Variants in MYO18B observed in about 807,000 individuals in gnomAD.
MYO18B encodes the protein unconventional myosin-XVIIIb.
In MYO18B, 204 loss-of-function variants were observed where a neutral mutation model predicts 273.0. The observed-to-expected ratio is 0.75, with a 90% CI of 0.67 to 0.84. The LOEUF (loss-of-function observed/expected upper bound fraction) is 0.84. Among genes scored for constraint, MYO18B ranks in the 40% least tolerant of loss-of-function variants. The pLI is 0.00. For synonymous variants in MYO18B, 1,330 were observed against 1,305.7 expected (o/e 1.02, Z -0.40); for missense variants, 3,212 against 3,287.6 (o/e 0.98, Z 0.56).
At chr22:26,015,007 TC>T (rs1471666956) in intron 42 of MYO18B, among the ~76,000 whole-genome samples, 1 of 152,192 alleles carries the variant, frequency 6.6e-6, no homozygotes, top group Non-Finnish European at 1.5e-5. Context: ...CTGTAGGTTG[TC>T]TCTTCACCCT....
In MYO18B at chr22:25,768,785, C is replaced by G; in HGVS notation, c.869C>G (p.Thr290Arg). ...GKAEKEGAEPTNTVEKGNVSK... is the reference protein window; with the variant it reads ...GKAEKEGAEPRNTVEKGNVSK... ...GCAGAGAAGGAGGGAGCAGAGCCCA[C>G]AAACACGGTGGAAAAGGGGAATGTC... Residue 290 changes from threonine (T) to arginine (R), a missense_variant, in exon 4 of 44, where the codon ACA (threonine) becomes AGA (arginine). Thr to Arg is a moderately conservative substitution (Grantham distance 71, BLOSUM62 -1). Transcript: ENST00000335473. 1.9e-6 allele frequency: 3 copies of G among 1,609,364 alleles called. No individual in the cohort carries two copies. Among genetic ancestry groups the G allele is most frequent in the Non-Finnish European group, 2.5e-6 (3 of 1,177,738 alleles).
chr22:25,956,088 G>T (rs115896906), intron 39 of MYO18B, among the ~76,000 whole-genome samples: 3 of 152,108 alleles, frequency 2.0e-5, no homozygotes. Flanking sequence ...TTGAGGCTCC[G>T]AATGGTCCAT....
chr22:25,950,099 T>A (rs536621473), intron 36 of MYO18B, among the ~76,000 whole-genome samples: 47 of 152,310 alleles, frequency 3.1e-4, no homozygotes, highest in African/African-American at 1.1e-3. Context: ...AGCCCACTTC[T>A]GTCTGGGTTC....
intron 31 of MYO18B, 53 bp downstream of exon 31, chr22:25,903,884 G>C: frequency 6.5e-7 from 1 of 1,535,184 alleles, no homozygotes; most frequent in Non-Finnish European, 8.8e-7. Context: ...CCAATGCAGA[G>C]TGATGTTATT....
At chr22:26,039,591 C>T in the MYO18B span, among the ~76,000 whole-genome samples, 1 of 151,466 alleles carries the variant, frequency 6.6e-6, no homozygotes, top group African/African-American at 2.4e-5. Flanking sequence ...CTGTGCCTCC[C>T]TCTGTTTTTA....
Position 25,931,674 on chromosome 22 carries a change from CTTTTTTCTTTTTTTTTT to C in MYO18B, c.5517+10272_5517+10288del, listed in dbSNP as rs375154534. ...AGTATTATGCCTTTTCTTTTTTTTT[CTTTTTTCTTTTTTTTTT>C]TTTTTTTTTGAGACAGGGTCTTGCT... On this transcript the variant is annotated intron_variant, in intron 34 of 43. Transcript: ENST00000335473. Among the ~76,000 whole-genome samples, 1,070 of 142,764 alleles carry C rather than the reference CTTTTTTCTTTTTTTTTT, an allele frequency of 7.5e-3. 20 individuals are homozygous for C. Among genetic ancestry groups the C allele is most frequent in the African/African-American group, 0.026 (1,007 of 38,916 alleles). The allele number at this position is 142,764 out of a possible 152,430, so 93.7% of individuals were successfully genotyped here.
intron 42 of MYO18B, chr22:26,006,679 G>C (rs1290556773): frequency 6.5e-6 from 1 of 153,572 alleles, no homozygotes; most frequent in African/African-American, 2.4e-5. Context: ...TTGCATATCT[G>C]CAGCTGTGAG....
intron 25 of MYO18B, among the ~76,000 whole-genome samples, chr22:25,879,461 AG>A (rs1185002166): frequency 6.6e-6 from 1 of 152,212 alleles, no homozygotes; most frequent in Non-Finnish European, 1.5e-5. Flanking sequence ...AATTCAGAGT[AG>A]GGGTTACCTG....
chr22:25,934,854 T>C (rs113007877), intron 34 of MYO18B, among the ~76,000 whole-genome samples: 1,659 of 152,254 alleles, frequency 0.011, 34 homozygotes, highest in African/African-American at 0.039. Context: ...GAATTTTCTG[T>C]CTAGCTTAGT....
chr22:25,949,618 A>G (rs1296602291), intron 36 of MYO18B, among the ~76,000 whole-genome samples: 1 of 152,218 alleles, frequency 6.6e-6, no homozygotes, highest in Non-Finnish European at 1.5e-5. Context: ...AATAATAACA[A>G]AATAATTGAT....
At chr22:25,755,293 G>T (rs1202404219) in intron 1 of MYO18B, among the ~76,000 whole-genome samples, 1 of 151,880 alleles carries the variant, frequency 6.6e-6, no homozygotes, top group Non-Finnish European at 1.5e-5. Context: ...CGCAACCTCC[G>T]CCTCCCAGGT....
At chr22:26,032,548 T>C (rs1232000550), downstream of MYO18B, among the ~76,000 whole-genome samples, 1 of 135,572 alleles carries the variant, frequency 7.4e-6, no homozygotes, top group Non-Finnish European at 1.5e-5. Context: ...GAGATGGGAG[T>C]TTCACTCTTG....
intron 18 of MYO18B, among the ~76,000 whole-genome samples, chr22:25,845,881 G>C (rs534586319): frequency 1.3e-5 from 2 of 152,238 alleles, no homozygotes; most frequent in African/African-American, 2.4e-5. Flanking sequence ...GGTAGAAGAC[G>C]GGCATCAGGA....
intron 25 of MYO18B, among the ~76,000 whole-genome samples, chr22:25,881,997 A>G (rs2091350008): frequency 1.3e-5 from 2 of 151,992 alleles, no homozygotes; most frequent in Admixed American, 1.3e-4. Context: ...CATCCTCTTC[A>G]CCTGGTTAAT....
At chr22:25,811,082 C>T (rs1037081666) in intron 12 of MYO18B, among the ~76,000 whole-genome samples, 4 of 150,256 alleles carry the variant, frequency 2.7e-5, no homozygotes, top group Admixed American at 1.3e-4. Flanking sequence ...GGTGTGATCT[C>T]GGCTCACTGC....
At chr22:25,965,081 T>C (rs2092962629) in intron 39 of MYO18B, 1 of 152,248 alleles carries the variant, frequency 6.6e-6, no homozygotes, top group Non-Finnish European at 1.5e-5. Context: ...GGGTGTGATC[T>C]CCTCACTGAG....
rs935637495 is a variant in MYO18B at position 26,030,908 on chromosome 22, G to C, written c.*478G>C. On this transcript the variant is annotated 3_prime_UTR_variant, in exon 44 of 44. Coordinates refer to ENST00000335473, the MANE Select transcript of MYO18B (RefSeq NM_032608.7). ...TCCTCCATGCTCCCTTAATCCCCAT[G>C]CTTGTCGATTATATTCCTTTGCCAA... The C allele has an allele frequency of 1.5e-5, 6 of 398,444 alleles. No individual in the cohort carries two copies. Among genetic ancestry groups the C allele is most frequent in the Non-Finnish European group, 2.7e-5 (6 of 226,040 alleles). The allele number at this position is 398,444 out of a possible 1,614,324, so 24.7% of individuals were successfully genotyped here.
intron 39 of MYO18B, among the ~76,000 whole-genome samples, chr22:25,966,934 T>A (rs761456165): frequency 7.2e-5 from 11 of 152,330 alleles, no homozygotes; most frequent in Admixed American, 2.6e-4. Context: ...AGATGAGTTA[T>A]CCTGATAATA....
At chr22:25,805,776 T>G (rs559594724) in intron 12 of MYO18B, among the ~76,000 whole-genome samples, 1 of 152,146 alleles carries the variant, frequency 6.6e-6, no homozygotes, top group Non-Finnish European at 1.5e-5. Context: ...CCAGTTTGAC[T>G]CTCTTGCTAT....
Sources: gnomAD v4.1 joint callset for allele counts (sites outside exome capture counted in the v4.1 genomes callset) on GRCh38, gnomAD v4.1.1 for gene constraint, MANE v1.5 for transcripts, NCBI Gene and HGNC (gene_info 2026-07-23, HGNC 2026-07-21) for gene names.